The following SMARCC1 variants were observed in gnomAD, a reference collection of about 807,000 sequenced individuals.
SMARCC1 encodes the protein SWI/SNF complex subunit SMARCC1.
A neutral mutation model predicts 147.4 loss-of-function variants in SMARCC1; 43 were observed. The ratio of observed to expected loss-of-function variants is 0.29; its 90% CI spans 0.23 to 0.38. SMARCC1 has a LOEUF of 0.38. SMARCC1 is among the 10% of genes least tolerant of loss of function. The probability of loss-of-function intolerance (pLI) is 1.00; values close to 1 mark genes in which losing one functional copy is unlikely to be tolerated. For synonymous variants in SMARCC1, 495 were observed against 484.4 expected, an observed-to-expected ratio of 1.02 and a Z score of -0.29; for missense variants, 1,119 against 1,381.1, an observed-to-expected ratio of 0.81 and a Z score of 3.01.
rs940364359 is a variant in SMARCC1 at position 47,585,331 on chromosome 3, T to C, written c.*2878A>G. ...CTCCCCCAACATCCTTGAGAAAGTA[T>C]AGGAATCTGGTGAGACCCAGCTGGC... On this transcript the variant is annotated 3_prime_UTR_variant, in exon 28 of 28. Transcript: ENST00000254480. 5.3e-5 allele frequency: 8 copies of C among 152,224 alleles called. No homozygotes were observed. The highest frequency in any genetic ancestry group is 7.2e-5 in the African/African-American group (3 of 41,446). 9.4% of individuals were successfully genotyped at this position (152,224 alleles called of 1,614,324 possible).
intron 25 of SMARCC1, among the ~76,000 whole-genome samples, chr3:47,619,230 G>A (rs2032692121): frequency 6.6e-6 from 1 of 152,114 alleles, no homozygotes. Flanking sequence ...TTTGTTGACT[G>A]TTTCCCCCAT....
chr3:47,747,932 T>TG (rs1375166909), intron 2 of SMARCC1, among the ~76,000 whole-genome samples: 2 of 150,630 alleles, frequency 1.3e-5, no homozygotes, highest in East Asian at 3.9e-4. Context: ...CCAAAGCGGG[T>TG]GGATCATGTG....
intron 25 of SMARCC1, among the ~76,000 whole-genome samples, chr3:47,616,100 T>G (rs1214864206): frequency 6.6e-6 from 1 of 152,222 alleles, no homozygotes; most frequent in Non-Finnish European, 1.5e-5. Context: ...GGCCTCAAAG[T>G]GTCTTTTAAA....
chr3:47,739,039 G>C (rs1376308470), intron 3 of SMARCC1, among the ~76,000 whole-genome samples: 5 of 152,202 alleles, frequency 3.3e-5, no homozygotes, highest in Non-Finnish European at 7.3e-5. Context: ...TCTTTACAAA[G>C]TCTAATGCCT....
intron 4 of SMARCC1, among the ~76,000 whole-genome samples, chr3:47,737,323 G>A (rs2034455469): frequency 1.3e-5 from 2 of 152,124 alleles, no homozygotes; most frequent in Admixed American, 1.3e-4. Context: ...GAGCCCGAGA[G>A]TTCAAAGCTG....
chr3:47,652,073 G>T (rs1489412730), intron 21 of SMARCC1, among the ~76,000 whole-genome samples: 1 of 152,194 alleles, frequency 6.6e-6, no homozygotes, highest in Non-Finnish European at 1.5e-5. Flanking sequence ...GGGCTCAGGT[G>T]ATCCTCTCAC....
At chr3:47,650,633 T>G (rs185347750) in intron 21 of SMARCC1, among the ~76,000 whole-genome samples, 1 of 151,912 alleles carries the variant, frequency 6.6e-6, no homozygotes, top group African/African-American at 2.4e-5. Context: ...CTAAGCAACA[T>G]AGTGAGACCC....
chr3:47,626,118 C>T (rs1249472151), intron 24 of SMARCC1, among the ~76,000 whole-genome samples: 1 of 150,892 alleles, frequency 6.6e-6, no homozygotes, highest in African/African-American at 2.4e-5. Flanking sequence ...CTTGCCACAG[C>T]ATTTCCAGCC....
At chr3:47,621,946 T>A (rs1021408928) in intron 25 of SMARCC1, among the ~76,000 whole-genome samples, 10 of 152,136 alleles carry the variant, frequency 6.6e-5, no homozygotes, top group Non-Finnish European at 1.5e-4. Flanking sequence ...AAGAATTTAA[T>A]ATCATCATGT....
intron 12 of SMARCC1, among the ~76,000 whole-genome samples, chr3:47,691,716 A>AT (rs2033791202): frequency 6.6e-6 from 1 of 150,970 alleles, no homozygotes. Flanking sequence ...AATAACTGTA[A>AT]TTGCCAGGCC....
rs2034075166 is a variant in SMARCC1 at position 47,710,743 on chromosome 3, C to T, written c.858G>A (p.Glu286=). Residue 286 remains glutamate (E), a synonymous_variant, in exon 9 of 28, where the codon GAG becomes GAA. Coordinates refer to ENST00000254480, the MANE Select transcript of SMARCC1 (RefSeq NM_003074.4). ...TCACAGGCTTCCTATTTTCATCCAC[C>T]TCATAATCCTCCTCATTCATCCATT... The part of the protein sequence containing the change: ...FNEWMNEEDY[E]VDENRKPVSF... 1.9e-6 allele frequency: 3 copies of T among 1,613,266 alleles called. No homozygotes were observed. Among genetic ancestry groups the T allele is most frequent in the South Asian group, 1.1e-5 (1 of 91,032 alleles).
In SMARCC1 at chr3:47,586,613, T is replaced by A. The variant is rs2032075747; in HGVS notation, c.*1596A>T. 1 of 152,652 alleles carries A rather than the reference T, an allele frequency of 6.6e-6. No homozygotes were observed. The highest frequency in any genetic ancestry group is 6.5e-5 in the Admixed American group (1 of 15,286). The allele number at this position is 152,652 out of a possible 1,614,324, so 9.5% of individuals were successfully genotyped here. A position where few individuals can be genotyped will look rare whatever the true frequency, so the allele number is the denominator to read the frequency against. Reference sequence around the variant, plus strand: ...GCTTTCTGATATTAAGGAAAAAAGTTCTCAAGTGTTTTATAAACACCTCCC... The same window carrying A: ...GCTTTCTGATATTAAGGAAAAAAGTACTCAAGTGTTTTATAAACACCTCCC... On this transcript the variant is annotated 3_prime_UTR_variant, in exon 28 of 28. Coordinates refer to ENST00000254480, the MANE Select transcript of SMARCC1 (RefSeq NM_003074.4).
intron 10 of SMARCC1, among the ~76,000 whole-genome samples, chr3:47,704,821 G>A (rs780998974): frequency 7.2e-5 from 11 of 151,970 alleles, no homozygotes; most frequent in Non-Finnish European, 1.5e-4. Flanking sequence ...AGAGGCTGAG[G>A]TAGGAGAATC....
chr3:47,667,330 A>AG (rs1192271563), intron 19 of SMARCC1, among the ~76,000 whole-genome samples: 4 of 133,796 alleles, frequency 3.0e-5, no homozygotes, highest in African/African-American at 1.1e-4. Flanking sequence ...AAAAAAAAAA[A>AG]AAAGAGAGAG....
chr3:47,765,825 T>C (rs2034833555), intron 2 of SMARCC1, among the ~76,000 whole-genome samples: 1 of 152,014 alleles, frequency 6.6e-6, no homozygotes, highest in East Asian at 1.9e-4. Context: ...CTCCGCCTCC[T>C]GGGGGCTAGC....
rs1248690649 is a variant in SMARCC1 at position 47,745,907 on chromosome 3, C to T, written c.401+1G>A. On this transcript the variant is annotated splice_donor_variant, in intron 3 of 27. Coordinates refer to ENST00000254480, the MANE Select transcript of SMARCC1 (RefSeq NM_003074.4). LOFTEE classifies it high-confidence loss of function. Reference sequence around the variant, plus strand: ...ACATGCAAACAAATACAAAAACTTACCATCCCTGTTCATTTTTATACTTGT... The same window carrying T: ...ACATGCAAACAAATACAAAAACTTATCATCCCTGTTCATTTTTATACTTGT... 6.5e-7 allele frequency: 1 copy of T among 1,534,278 alleles called. No homozygotes were observed. Among genetic ancestry groups the T allele is most frequent in the South Asian group, 1.3e-5 (1 of 79,046 alleles).
intron 2 of SMARCC1, among the ~76,000 whole-genome samples, chr3:47,765,079 C>T (rs1393457126): frequency 1.3e-5 from 2 of 152,102 alleles, no homozygotes; most frequent in South Asian, 4.1e-4. Flanking sequence ...TGGAGAAACC[C>T]TGTCTCTACC....
chr3:47,753,632 A>T (rs1304092934), intron 2 of SMARCC1, among the ~76,000 whole-genome samples: 1 of 140,000 alleles, frequency 7.1e-6, no homozygotes, highest in Admixed American at 8.0e-5. Context: ...GAATCGCTTG[A>T]ATTCGGGAGG....
chr3:47,644,620 G>A (rs2033094577), intron 21 of SMARCC1, among the ~76,000 whole-genome samples: 1 of 152,094 alleles, frequency 6.6e-6, no homozygotes, highest in Non-Finnish European at 1.5e-5. Context: ...CGATTCTCGT[G>A]CCTCAGCCTC....
Sources: allele counts gnomAD v4.1 joint callset (sites outside exome capture counted in the v4.1 genomes callset), GRCh38; gene constraint gnomAD v4.1.1; transcripts MANE v1.5; gene names NCBI Gene and HGNC (gene_info 2026-07-23, HGNC 2026-07-21).